Variants in ATE1 observed in about 807,000 individuals in gnomAD.
ATE1 encodes the protein arginyltransferase 1.
ATE1 carries 36 observed loss-of-function variants against 70.5 expected under a neutral mutation model. That is an observed-to-expected ratio of 0.51 (90% CI 0.39 to 0.67). The LOEUF (loss-of-function observed/expected upper bound fraction) is 0.67, where lower values mean the gene tolerates loss of function less well. Among genes scored for constraint, ATE1 ranks in the 30% least tolerant of loss-of-function variants. The probability of loss-of-function intolerance (pLI) is 0.00; values close to 1 mark genes in which losing one functional copy is unlikely to be tolerated. For missense variants in ATE1, 593 were observed against 629.5 expected (o/e 0.94, Z 0.62); for synonymous variants, 232 against 219.3 (o/e 1.06, Z -0.51).
intron 7 of ATE1, among the ~76,000 whole-genome samples, chr10:121,881,924 G>A (rs573715366): frequency 6.6e-6 from 1 of 152,170 alleles, no homozygotes; most frequent in South Asian, 2.1e-4. Context: ...CTCCTGAGTA[G>A]CTGGGACTAC....
intron 5 of ATE1, among the ~76,000 whole-genome samples, chr10:121,908,501 CA>C (rs796484702): frequency 2.0e-5 from 3 of 150,462 alleles, no homozygotes; most frequent in Non-Finnish European, 1.5e-5. Flanking sequence ...GAGATTCTTT[CA>C]AAAAAAAAGA....
Position 121,910,946 on chromosome 10 carries a change from T to C in ATE1, c.543A>G (p.Glu181=), listed in dbSNP as rs763996800. 1.2e-6 allele frequency: 2 copies of C among 1,613,748 alleles called. No individual in the cohort carries two copies. The highest frequency in any genetic ancestry group is 2.7e-5 in the African/African-American group (2 of 74,916). The change falls in exon 5 of 12, where the codon GAA becomes GAG. Residue 181 remains glutamate, a synonymous_variant. Transcript: ENST00000224652. ...TGTGAACTTTAACTGAATGTGACGG[T>C]TCACCAGAGCCCAACTTCTCTCCTA... ...DFVGEKLGSG[E]PSHSVKVHTV...
At chr10:121,750,169 C>T (rs374632671) in intron 11 of ATE1, among the ~76,000 whole-genome samples, 8 of 152,228 alleles carry the variant, frequency 5.3e-5, no homozygotes, top group African/African-American at 1.2e-4. Context: ...TCTTGCTTGC[C>T]TAATAAATGT....
chr10:121,884,000 G>A (rs1723323208), intron 7 of ATE1, among the ~76,000 whole-genome samples: 1 of 151,264 alleles, frequency 6.6e-6, no homozygotes, highest in East Asian at 1.9e-4. Flanking sequence ...CAGCTACTGG[G>A]GAGTCTAAGG....
intron 11 of ATE1, among the ~76,000 whole-genome samples, chr10:121,749,177 C>CA (rs1944484409): frequency 6.6e-6 from 1 of 152,148 alleles, no homozygotes; most frequent in South Asian, 2.1e-4. Context: ...GGTTAATGTT[C>CA]ATAATGCCCA....
chr10:121,888,198 T>C (rs975814808), intron 7 of ATE1, among the ~76,000 whole-genome samples: 2 of 152,196 alleles, frequency 1.3e-5, no homozygotes, highest in East Asian at 1.9e-4. Context: ...ATCGAGACCA[T>C]CCTGGCTAAC....
chr10:121,918,265 G>A (rs921854195), intron 3 of ATE1, among the ~76,000 whole-genome samples: 3 of 151,812 alleles, frequency 2.0e-5, no homozygotes, highest in East Asian at 1.9e-4. Flanking sequence ...CCTGGGAGGC[G>A]GAGGTTTCAG....
At chr10:121,826,576 A>T (rs1453870394) in intron 10 of ATE1, among the ~76,000 whole-genome samples, 1 of 152,192 alleles carries the variant, frequency 6.6e-6, no homozygotes, top group Non-Finnish European at 1.5e-5. Flanking sequence ...AAGTGCTGGG[A>T]TTACAGGCAT....
chr10:121,812,645 G>C (rs1410745605), intron 10 of ATE1, among the ~76,000 whole-genome samples: 1 of 151,982 alleles, frequency 6.6e-6, no homozygotes, highest in East Asian at 1.9e-4. Flanking sequence ...TGTTATTGAA[G>C]AATTTGCAAA....
chr10:121,764,726 T>A (rs949462200), intron 11 of ATE1, among the ~76,000 whole-genome samples: 3 of 152,232 alleles, frequency 2.0e-5, no homozygotes, highest in African/African-American at 7.2e-5. Context: ...TATGCTTTGC[T>A]GAAGGCGACT....
intron 10 of ATE1, among the ~76,000 whole-genome samples, chr10:121,807,870 A>T (rs867671278): frequency 1.2e-4 from 19 of 152,214 alleles, no homozygotes; most frequent in Non-Finnish European, 2.2e-4. Context: ...TAAAATTTCA[A>T]TGTCCATAGA....
intron 3 of ATE1, among the ~76,000 whole-genome samples, chr10:121,914,352 A>AC (rs1244338547): frequency 2.0e-5 from 3 of 150,132 alleles, no homozygotes; most frequent in African/African-American, 7.3e-5. Flanking sequence ...TGCATGAGCC[A>AC]CCATTCCCAG....
intron 10 of ATE1, among the ~76,000 whole-genome samples, chr10:121,832,581 G>A (rs2133710726): frequency 6.6e-6 from 1 of 152,274 alleles, no homozygotes; most frequent in South Asian, 2.1e-4. Context: ...GATATCTGAT[G>A]GTTTTATTAG....
chr10:121,920,038 A>C (rs1951818031), intron 3 of ATE1, among the ~76,000 whole-genome samples: 1 of 152,148 alleles, frequency 6.6e-6, no homozygotes, highest in Non-Finnish European at 1.5e-5. Flanking sequence ...TGAGGACCAA[A>C]CAAAAAAACT....
At position 121,927,754 on chromosome 10, in the gene ATE1, C is replaced by T. The variant is rs1452355159; in HGVS notation, c.106+90G>A. 1.1e-5 allele frequency: 16 copies of T among 1,430,476 alleles called. 1 individual carries two copies. In the East Asian group the frequency reaches 3.9e-4, roughly 35 times the overall value. The allele number at this position is 1,430,476 out of a possible 1,614,324, so 88.6% of individuals were successfully genotyped here. On this transcript the variant is annotated intron_variant, in intron 1 of 11. Transcript: ENST00000224652. ...TCGGCCGTGGCACTGGGGCCAGGGG[C>T]TCCGGCCCCCTCGCGTCCTCGCTGG...
rs1554938055 is a variant in ATE1 at position 121,924,339 on chromosome 10, TAAG to T, written c.107-13_107-11del. 1.2e-6 allele frequency: 2 copies of T among 1,612,532 alleles called. No homozygotes were observed. Among genetic ancestry groups the T allele is most frequent in the Non-Finnish European group, 1.7e-6 (2 of 1,178,624 alleles). On this transcript the variant is annotated splice_polypyrimidine_tract_variant and intron_variant, in intron 1 of 11. Coordinates refer to ENST00000224652, the MANE Select transcript of ATE1 (RefSeq NM_001001976.3). ...GAATGTGCCCACATGCCTGAAAAAA[TAAG>T]TAGTGTGTTAATTACGGCAGGGTAA...
intron 10 of ATE1, among the ~76,000 whole-genome samples, chr10:121,827,148 G>A (rs866262576): frequency 3.9e-5 from 6 of 152,014 alleles, no homozygotes; most frequent in Non-Finnish European, 7.4e-5. Flanking sequence ...TGAGTAGCTG[G>A]AACTACAGGT....
chr10:121,925,116 AGT>A (rs1361799591), intron 1 of ATE1, among the ~76,000 whole-genome samples: 1 of 152,200 alleles, frequency 6.6e-6, no homozygotes. Context: ...ATTCCTTCTA[AGT>A]GTAAGAACTG....
At position 121,899,864 on chromosome 10, in the gene ATE1, A is replaced by C; in HGVS notation, c.942+2T>G. On this transcript the variant is annotated splice_donor_variant, in intron 7 of 11. Coordinates refer to ENST00000224652, the MANE Select transcript of ATE1 (RefSeq NM_001001976.3). LOFTEE classifies it high-confidence loss of function. ...CAGGAAAATTACACTTGGCCTGCTG[A>C]CCTGGCTTTCGGTTGGCGTATCAGG... is the stretch of plus-strand genomic sequence containing the variant. 1 of 1,612,206 alleles carries C rather than the reference A, an allele frequency of 6.2e-7. No individual in the cohort carries two copies. Among genetic ancestry groups the C allele is most frequent in the Non-Finnish European group, 8.5e-7 (1 of 1,178,994 alleles).
Sources: gnomAD v4.1 joint callset for allele counts (sites outside exome capture counted in the v4.1 genomes callset) on GRCh38, gnomAD v4.1.1 for gene constraint, MANE v1.5 for transcripts, NCBI Gene and HGNC (gene_info 2026-07-23, HGNC 2026-07-21) for gene names.